The following ZNF704 variants were observed in gnomAD, a reference collection of about 807,000 sequenced individuals.
The protein encoded by ZNF704 is zinc finger protein 704.
ZNF704 carries 10 observed loss-of-function variants against 44.7 expected under a neutral mutation model. The ratio of observed to expected loss-of-function variants is 0.22; its 90% CI spans 0.14 to 0.38. The LOEUF (loss-of-function observed/expected upper bound fraction) is 0.38, where lower values mean the gene tolerates loss of function less well. ZNF704 is among the 10% of genes least tolerant of loss of function. The probability of loss-of-function intolerance (pLI) is 1.00; values close to 1 mark genes in which losing one functional copy is unlikely to be tolerated. For synonymous variants in ZNF704, 211 were observed against 207.6 expected, an observed-to-expected ratio of 1.02 and a Z score of -0.14; for missense variants, 390 against 545.5, an observed-to-expected ratio of 0.71 and a Z score of 2.84.
In ZNF704 at chr8:80,632,524, G is replaced by A. The variant is rs932572291; in HGVS notation, c.*8842C>T. The A allele has an allele frequency of 6.6e-6, 1 of 152,112 alleles. No individual in the cohort carries two copies. Among genetic ancestry groups the A allele is most frequent in the African/African-American group, 2.4e-5 (1 of 41,404 alleles). The allele number at this position is 152,112 out of a possible 1,614,324, so 9.4% of individuals were successfully genotyped here. A position where few individuals can be genotyped will look rare whatever the true frequency, so the allele number is the denominator to read the frequency against. On this transcript the variant is annotated 3_prime_UTR_variant, in exon 9 of 9. Transcript: ENST00000327835. ...TTAATTTTCTGAATTAAAAATTTAG[G>A]GAAAAGGACCTAGCAAGATAATGTA...
intron 1 of ZNF704, among the ~76,000 whole-genome samples, chr8:80,844,586 G>A (rs898793057): frequency 2.0e-5 from 3 of 152,124 alleles, no homozygotes; most frequent in Admixed American, 6.5e-5. Context: ...CAGATAGGGC[G>A]GAGCAGGTGG....
chr8:80,793,181 G>A (rs148970065), intron 2 of ZNF704, among the ~76,000 whole-genome samples: 1 of 152,202 alleles, frequency 6.6e-6, no homozygotes. Flanking sequence ...GATTTAAGGT[G>A]GGGTATGGGA....
intron 1 of ZNF704, among the ~76,000 whole-genome samples, chr8:80,870,391 C>T (rs1398403414): frequency 2.0e-5 from 3 of 152,178 alleles, no homozygotes; most frequent in African/African-American, 7.2e-5. Context: ...TTTCCTGTGT[C>T]CCTCTGTCCA....
chr8:80,726,148 C>T (rs990718007), intron 2 of ZNF704, among the ~76,000 whole-genome samples: 3 of 151,982 alleles, frequency 2.0e-5, no homozygotes, highest in African/African-American at 7.2e-5. Flanking sequence ...AAAATTAATA[C>T]ATATTTATTA....
At chr8:80,722,428 A>G (rs1056365070) in intron 2 of ZNF704, among the ~76,000 whole-genome samples, 1 of 152,246 alleles carries the variant, frequency 6.6e-6, no homozygotes, top group East Asian at 1.9e-4. Flanking sequence ...AATACAAACA[A>G]ATTAATCAGG....
chr8:80,784,329 T>A (rs1807580861), intron 2 of ZNF704, among the ~76,000 whole-genome samples: 1 of 152,338 alleles, frequency 6.6e-6, no homozygotes, highest in South Asian at 2.1e-4. Flanking sequence ...TTTAGTTTTG[T>A]AAGAAACTGC....
At chr8:80,774,476 C>A (rs1041328495) in intron 2 of ZNF704, among the ~76,000 whole-genome samples, 2 of 152,174 alleles carry the variant, frequency 1.3e-5, no homozygotes, top group Non-Finnish European at 2.9e-5. Context: ...AGGTTTTCTA[C>A]TCAGGTCTGC....
chr8:80,838,549 G>A (rs907867634), intron 1 of ZNF704, among the ~76,000 whole-genome samples: 2 of 151,246 alleles, frequency 1.3e-5, no homozygotes, highest in Non-Finnish European at 1.5e-5. Context: ...GAGGAAACCA[G>A]GAAAGAGCAA....
intron 1 of ZNF704, among the ~76,000 whole-genome samples, chr8:80,830,015 T>C (rs1406776640): frequency 6.6e-6 from 1 of 152,232 alleles, no homozygotes; most frequent in Non-Finnish European, 1.5e-5. Flanking sequence ...AAAGCATGTA[T>C]ATATGTATCA....
At chr8:80,672,002 A>G (rs1290212948) in intron 4 of ZNF704, among the ~76,000 whole-genome samples, 3 of 152,222 alleles carry the variant, frequency 2.0e-5, no homozygotes, top group Non-Finnish European at 4.4e-5. Context: ...GTGGTTTTTA[A>G]TGTTTAAAAT....
intron 2 of ZNF704, among the ~76,000 whole-genome samples, chr8:80,778,730 A>C (rs1807459612): frequency 6.6e-6 from 1 of 152,234 alleles, no homozygotes; most frequent in South Asian, 2.1e-4. Flanking sequence ...GCTGGGGGCC[A>C]TCATCCTTAG....
chr8:80,775,726 T>C (rs866937436), intron 2 of ZNF704, among the ~76,000 whole-genome samples: 15 of 152,264 alleles, frequency 9.9e-5, no homozygotes, highest in African/African-American at 3.4e-4. Context: ...ATACTGTGAG[T>C]ACAATACAAT....
At chr8:80,810,764 A>T (rs1808068023) in intron 2 of ZNF704, among the ~76,000 whole-genome samples, 1 of 152,256 alleles carries the variant, frequency 6.6e-6, no homozygotes, top group African/African-American at 2.4e-5. Context: ...AGTTATGCAC[A>T]ACTGGGAGTC....
intron 3 of ZNF704, 108 bp downstream of exon 3, chr8:80,692,893 ATGG>A: frequency 1.1e-6 from 1 of 934,174 alleles, no homozygotes; most frequent in Non-Finnish European, 1.7e-6. Context: ...CTTCCTGCTA[ATGG>A]GTGAGGGTCA....
chr8:80,641,549 C>A, intron 8 of ZNF704, 72 bp from the exon 9 acceptor site: 1 of 938,736 alleles, frequency 1.1e-6, no homozygotes, highest in Non-Finnish European at 1.5e-6. Context: ...GCTCAAAAAT[C>A]CCTTGCAAGA....
intron 2 of ZNF704, among the ~76,000 whole-genome samples, chr8:80,780,324 G>T (rs893395057): frequency 6.6e-6 from 1 of 152,180 alleles, no homozygotes; most frequent in African/African-American, 2.4e-5. Context: ...ATTTCTAAGA[G>T]ATTCCTATGG....
chr8:80,851,715 A>G (rs1007407902), intron 1 of ZNF704, among the ~76,000 whole-genome samples: 3 of 152,120 alleles, frequency 2.0e-5, no homozygotes, highest in African/African-American at 4.8e-5. Flanking sequence ...CCTAAAACTT[A>G]AAGTATAATA....
Position 80,635,356 on chromosome 8 carries a change from C to T in ZNF704, c.*6010G>A, listed in dbSNP as rs1817649763. 1 of 152,198 alleles carries T rather than the reference C, an allele frequency of 6.6e-6. No homozygotes were observed. Among genetic ancestry groups the T allele is most frequent in the South Asian group, 2.1e-4 (1 of 4,828 alleles). 9.4% of individuals were successfully genotyped at this position (152,198 alleles called of 1,614,324 possible). A position where few individuals can be genotyped will look rare whatever the true frequency, so the allele number is the denominator to read the frequency against. Reference sequence around the variant, plus strand: ...ACCTCATGTGCCTGCTAGTTCTTCACAGTGAAAAATCAAGCACTTGTTCTT... The same window carrying T: ...ACCTCATGTGCCTGCTAGTTCTTCATAGTGAAAAATCAAGCACTTGTTCTT... On this transcript the variant is annotated 3_prime_UTR_variant, in exon 9 of 9. Transcript: ENST00000327835.
intron 2 of ZNF704, among the ~76,000 whole-genome samples, chr8:80,716,682 T>C (rs998148043): frequency 9.9e-5 from 15 of 152,262 alleles, no homozygotes; most frequent in Non-Finnish European, 2.9e-5. Context: ...GTTCATAACT[T>C]AGCAAGTTCA....
Sources: allele counts gnomAD v4.1 joint callset (sites outside exome capture counted in the v4.1 genomes callset), GRCh38; gene constraint gnomAD v4.1.1; transcripts MANE v1.5; gene names NCBI Gene and HGNC (gene_info 2026-07-23, HGNC 2026-07-21).